Variants in CACNA1E observed in about 807,000 individuals in gnomAD.
CACNA1E encodes voltage-dependent R-type calcium channel subunit alpha-1E.
In CACNA1E, 40 loss-of-function variants were observed where a neutral mutation model predicts 259.2. That is an observed-to-expected ratio of 0.15 (90% CI 0.12 to 0.20). The LOEUF (loss-of-function observed/expected upper bound fraction) is 0.20, where lower values mean the gene tolerates loss of function less well. Among genes scored for constraint, CACNA1E ranks in the 10% least tolerant of loss-of-function variants. The probability of loss-of-function intolerance (pLI) is 1.00; values close to 1 mark genes in which losing one functional copy is unlikely to be tolerated. For missense variants in CACNA1E, 1,874 were observed against 3,040.1 expected (o/e 0.62, Z 9.02); for synonymous variants, 1,104 against 1,138.5 (o/e 0.97, Z 0.61).
At chr1:181,472,609 G>A (rs557627607) in intron 2 of CACNA1E, among the ~76,000 whole-genome samples, 39 of 152,298 alleles carry the variant, frequency 2.6e-4, no homozygotes, top group Middle Eastern at 3.4e-3. Context: ...GCATGACACC[G>A]AGTTTACAAA....
chr1:181,329,333 C>T (rs1237715902), intron 1 of CACNA1E, among the ~76,000 whole-genome samples: 1 of 152,086 alleles, frequency 6.6e-6, no homozygotes, highest in Non-Finnish European at 1.5e-5. Flanking sequence ...TTGTGGAGCT[C>T]CAAGCTCCAC....
chr1:181,734,249 A>G lies in CACNA1E; in HGVS notation c.3262+499A>G, dbSNP rs573194678. Among the ~76,000 whole-genome samples the G allele has an allele frequency of 2.2e-4, 34 of 152,176 alleles. 1 individual carries two copies. The highest frequency in any genetic ancestry group is 8.0e-4 in the African/African-American group (33 of 41,480). ...CTCTGAGGCCTTTCCCTGTACTAACATTTTATATGATTCTATTGCTCTTAT... is the reference window on the plus strand; with the variant it reads ...CTCTGAGGCCTTTCCCTGTACTAACGTTTTATATGATTCTATTGCTCTTAT... On this transcript the variant is annotated intron_variant, in intron 21 of 47. Coordinates refer to ENST00000367573, the MANE Select transcript of CACNA1E (RefSeq NM_001205293.3).
chr1:181,497,843 G>T (rs1558056243), intron 1 of CACNA1E, among the ~76,000 whole-genome samples: 2 of 152,204 alleles, frequency 1.3e-5, no homozygotes, highest in Non-Finnish European at 2.9e-5. Flanking sequence ...AGGATCAGTA[G>T]ATGGAAGAAG....
chr1:181,492,475 C>A (rs527631815), intron 1 of CACNA1E, among the ~76,000 whole-genome samples: 7 of 152,178 alleles, frequency 4.6e-5, no homozygotes, highest in Admixed American at 3.3e-4. Flanking sequence ...AGAAATCAGA[C>A]CTTTTAGTTC....
chr1:181,730,094 A>G (rs1655325957), intron 18 of CACNA1E, among the ~76,000 whole-genome samples: 1 of 152,232 alleles, frequency 6.6e-6, no homozygotes, highest in South Asian at 2.1e-4. Context: ...AGACACCCAG[A>G]GTGGGCCTCA....
rs1185632614 is a variant in CACNA1E at position 181,710,891 on chromosome 1, T to C, written c.1056-63T>C. The stretch of plus-strand genomic sequence containing the variant: ...AGATGCTCTCTCTCTGTTGCTTGAT[T>C]CACTCTTTCCCTTAGTCATGGCCCT... On this transcript the variant is annotated intron_variant, in intron 7 of 47. Coordinates refer to ENST00000367573, the MANE Select transcript of CACNA1E (RefSeq NM_001205293.3). The C allele has an allele frequency of 4.3e-6, 5 of 1,153,896 alleles. No homozygotes were observed. The African/African-American group carries it at 7.6e-5, about 17-fold the overall frequency. The allele number at this position is 1,153,896 out of a possible 1,614,324, so 71.5% of individuals were successfully genotyped here.
intron 1 of CACNA1E, among the ~76,000 whole-genome samples, chr1:181,363,684 T>C (rs1270546116): frequency 6.6e-6 from 1 of 152,092 alleles, no homozygotes; most frequent in Admixed American, 6.5e-5. Flanking sequence ...TCATTGGCTA[T>C]ATAGGTTGCT....
rs775469137 is a variant in CACNA1E, at chr1:181,790,523, C to T, written c.5865C>T (p.Ala1955=). ...DIFQLACMDP[A]DDGQFQERQS... is the part of the protein sequence containing the mutation. ...TCCAGTTGGCTTGTATGGACCCCGC[C>T]GATGACGGACAGTTCCAAGAACGGC... Residue 1955 remains alanine (A), a synonymous_variant, in exon 44 of 48, where the codon GCC becomes GCT. Coordinates refer to ENST00000367573, the MANE Select transcript of CACNA1E (RefSeq NM_001205293.3). 9.3e-6 allele frequency: 15 copies of T among 1,611,570 alleles called. No individual in the cohort carries two copies. Among genetic ancestry groups the T allele is most frequent in the East Asian group, 8.9e-5 (4 of 44,886 alleles).
chr1:181,515,957 G>T (rs1178939936), intron 3 of CACNA1E, among the ~76,000 whole-genome samples: 1 of 152,178 alleles, frequency 6.6e-6, no homozygotes, highest in Non-Finnish European at 1.5e-5. Flanking sequence ...AAGAGGGATT[G>T]TCTGTTCCCA....
At chr1:181,382,380 T>C (rs750219747) in intron 1 of CACNA1E, among the ~76,000 whole-genome samples, 4 of 152,128 alleles carry the variant, frequency 2.6e-5, no homozygotes, top group Non-Finnish European at 5.9e-5. Context: ...TTTAGAAAGG[T>C]CACTCTGGCT....
chr1:181,579,315 T>C, intron 5 of CACNA1E, 91 bp downstream of exon 5: 1 of 1,071,344 alleles, frequency 9.3e-7, no homozygotes, highest in Non-Finnish European at 1.4e-6. Flanking sequence ...ATTGGAAAAG[T>C]ATGTCCTATT....
chr1:181,736,488 T>C, intron 22 of CACNA1E, 54 bp downstream of exon 22: 1 of 1,523,022 alleles, frequency 6.6e-7, no homozygotes. Flanking sequence ...CGGCCAGGTG[T>C]GAGGCAGGGC....
At chr1:181,740,809 T>C (rs1457304496) in intron 25 of CACNA1E, among the ~76,000 whole-genome samples, 1 of 152,220 alleles carries the variant, frequency 6.6e-6, no homozygotes, top group Non-Finnish European at 1.5e-5. Context: ...CACATGTGGC[T>C]GGACTGTTCT....
chr1:181,454,093 C>G (rs916058937), intron 2 of CACNA1E, among the ~76,000 whole-genome samples: 12 of 151,924 alleles, frequency 7.9e-5, no homozygotes, highest in African/African-American at 2.9e-4. Context: ...GCTTGGCATA[C>G]AGTAGACACT....
At chr1:181,648,754 A>G (rs1252954440) in intron 6 of CACNA1E, among the ~76,000 whole-genome samples, 3 of 152,244 alleles carry the variant, frequency 2.0e-5, no homozygotes, top group African/African-American at 7.2e-5. Context: ...CTGTAGCTCA[A>G]TTATTTAAGA....
intron 6 of CACNA1E, among the ~76,000 whole-genome samples, chr1:181,619,416 C>T (rs1410531232): frequency 1.3e-5 from 2 of 151,968 alleles, no homozygotes; most frequent in Non-Finnish European, 2.9e-5. Flanking sequence ...ATGGATGGAG[C>T]TTATCAACTA....
At chr1:181,334,468 C>T (rs920347610) in intron 1 of CACNA1E, among the ~76,000 whole-genome samples, 1 of 152,186 alleles carries the variant, frequency 6.6e-6, no homozygotes, top group Non-Finnish European at 1.5e-5. Context: ...GTCTGACAGG[C>T]ACATCAAACT....
rs146609419 is a variant in CACNA1E at position 181,484,373 on chromosome 1, T to TC, written c.266+363_266+364insC. Among the ~76,000 whole-genome samples the TC allele has an allele frequency of 7.6e-3, 1,153 of 152,100 alleles. 12 individuals carry two copies. The highest frequency in any genetic ancestry group is 0.023 in the African/African-American group (974 of 41,458). On this transcript the variant is annotated intron_variant, in intron 1 of 47. Transcript: ENST00000367573. Reference sequence around the variant, plus strand: ...TTGCCCCAATGCTTCCTTTCATAATTAATTCTCATTTTCCTTTCTTTAAGC... The same window carrying TC: ...TTGCCCCAATGCTTCCTTTCATAATTCAATTCTCATTTTCCTTTCTTTAAGC...
intron 1 of CACNA1E, among the ~76,000 whole-genome samples, chr1:181,361,837 A>G (rs2804696): frequency 0.99 from 150,721 of 152,358 alleles, 74,587 homozygotes; most frequent in East Asian, 1. Context: ...CAGTTTCCAC[A>G]TCTATAAATG....
Sources: allele counts gnomAD v4.1 joint callset (sites outside exome capture counted in the v4.1 genomes callset), GRCh38; gene constraint gnomAD v4.1.1; transcripts MANE v1.5; gene names NCBI Gene and HGNC (gene_info 2026-07-23, HGNC 2026-07-21).